The following DNAJC6 variants were observed in gnomAD, a reference collection of about 807,000 sequenced individuals.
DNAJC6 encodes the protein auxilin.
DNAJC6 carries 34 observed loss-of-function variants against 110.0 expected under a neutral mutation model. The ratio of observed to expected loss-of-function variants is 0.31; its 90% confidence interval spans 0.24 to 0.41. The LOEUF (loss-of-function observed/expected upper bound fraction) is 0.41, where lower values mean the gene tolerates loss of function less well. DNAJC6 is among the 10% of genes least tolerant of loss of function. DNAJC6 has a pLI of 1.00. For synonymous variants in DNAJC6, 406 were observed against 437.2 expected, an observed-to-expected ratio of 0.93 and a Z score of 0.89; for missense variants, 1,031 against 1,207.8, an observed-to-expected ratio of 0.85 and a Z score of 2.17.
intron 18 of DNAJC6, among the ~76,000 whole-genome samples, chr1:65,412,157 T>C (rs997919014): frequency 3.3e-5 from 5 of 152,202 alleles, no homozygotes; most frequent in Non-Finnish European, 5.9e-5. Flanking sequence ...CAGAATGGAA[T>C]TAAATTTGCC....
intron 4 of DNAJC6, among the ~76,000 whole-genome samples, chr1:65,376,692 T>A (rs1044847204): frequency 6.6e-6 from 1 of 151,588 alleles, no homozygotes; most frequent in Non-Finnish European, 1.5e-5. Context: ...TTCCTTTTGT[T>A]ATTTAGTTGT....
intron 1 of DNAJC6, among the ~76,000 whole-genome samples, chr1:65,332,208 G>T (rs969750338): frequency 2.0e-5 from 3 of 152,162 alleles, no homozygotes; most frequent in Admixed American, 2.0e-4. Flanking sequence ...GGCACTCAAT[G>T]AAGAAAGGAT....
chr1:65,269,411 A>G (rs1472205313), intron 1 of DNAJC6, among the ~76,000 whole-genome samples: 2 of 152,076 alleles, frequency 1.3e-5, no homozygotes, highest in African/African-American at 4.8e-5. Context: ...TTCCTGAGAT[A>G]ACTTTTCACT....
intron 16 of DNAJC6, among the ~76,000 whole-genome samples, chr1:65,407,211 C>T (rs546665793): frequency 2.0e-5 from 3 of 152,134 alleles, no homozygotes; most frequent in African/African-American, 7.2e-5. Context: ...GTTGTATTCT[C>T]TACCCACCCA....
chr1:65,343,900 G>A (rs1645412549), intron 1 of DNAJC6, among the ~76,000 whole-genome samples: 1 of 152,192 alleles, frequency 6.6e-6, no homozygotes, highest in Admixed American at 6.5e-5. Context: ...TGTAAGTGCT[G>A]TATTAAGATG....
At chr1:65,299,668 A>G (rs1442294291) in intron 1 of DNAJC6, among the ~76,000 whole-genome samples, 2 of 152,222 alleles carry the variant, frequency 1.3e-5, no homozygotes, top group Non-Finnish European at 2.9e-5. Flanking sequence ...TTAGTATTTT[A>G]TGGATGAGAA....
At chr1:65,309,488 C>G (rs1405580957), upstream of DNAJC6, 14 of 1,158,602 alleles carry the variant, frequency 1.2e-5, no homozygotes, top group East Asian at 7.5e-4. Flanking sequence ...GCCCAGAGGA[C>G]GCGCGCCCCC....
chr1:65,375,874 T>G (rs1374084068), intron 4 of DNAJC6, among the ~76,000 whole-genome samples: 1 of 152,220 alleles, frequency 6.6e-6, no homozygotes, highest in Non-Finnish European at 1.5e-5. Context: ...CCTTCTCTAG[T>G]TTTAGTATCA....
chr1:65,362,363 A>G (rs1645606139), intron 1 of DNAJC6, among the ~76,000 whole-genome samples: 1 of 152,218 alleles, frequency 6.6e-6, no homozygotes, highest in African/African-American at 2.4e-5. Context: ...AGTGCCTATT[A>G]CGTGAATATT....
chr1:65,334,097 G>A (rs1042611371), intron 1 of DNAJC6, among the ~76,000 whole-genome samples: 1 of 152,178 alleles, frequency 6.6e-6, no homozygotes, highest in Non-Finnish European at 1.5e-5. Flanking sequence ...TGGAGAGGAT[G>A]ATAACAAAAC....
intron 1 of DNAJC6, among the ~76,000 whole-genome samples, chr1:65,297,754 A>T (rs947234711): frequency 3.3e-5 from 5 of 152,212 alleles, no homozygotes; most frequent in Admixed American, 1.3e-4. Context: ...TAGGTTTAGG[A>T]GTCCTGTAGC....
At chr1:65,324,494 G>C (rs775398544) in intron 1 of DNAJC6, among the ~76,000 whole-genome samples, 1 of 152,026 alleles carries the variant, frequency 6.6e-6, no homozygotes, top group African/African-American at 2.4e-5. Context: ...GAGTAGCTGG[G>C]ATTATAGGCA....
At chr1:65,408,124 T>C (rs1423917437) in intron 16 of DNAJC6, among the ~76,000 whole-genome samples, 1 of 151,864 alleles carries the variant, frequency 6.6e-6, no homozygotes. Context: ...ACCCAGGGAG[T>C]TGGGGTCCAA....
chr1:65,347,872 G>A (rs996005058), intron 1 of DNAJC6, among the ~76,000 whole-genome samples: 3 of 152,144 alleles, frequency 2.0e-5, no homozygotes, highest in African/African-American at 7.2e-5. Flanking sequence ...TCTGATATAT[G>A]GTTTTGTAAG....
chr1:65,327,529 T>C (rs1025377369), intron 1 of DNAJC6, among the ~76,000 whole-genome samples: 2 of 152,188 alleles, frequency 1.3e-5, no homozygotes, highest in African/African-American at 2.4e-5. Context: ...GCATTGTCCT[T>C]ACATCCTAAA....
chr1:65,415,112 GTCTTTGCAT>G lies in DNAJC6; in HGVS notation c.*2090_*2098del, dbSNP rs1380684026. ...ACTCTTAATATATGCAGACCAACAG[GTCTTTGCAT>G]TCCTTTTAAATAACTGGTTGTGACA... is the stretch of plus-strand genomic sequence containing the variant. On this transcript the variant is annotated 3_prime_UTR_variant, in exon 19 of 19. Coordinates refer to ENST00000371069, the MANE Select transcript of DNAJC6 (RefSeq NM_001256864.2). 1 of 152,050 alleles carries G rather than the reference GTCTTTGCAT, an allele frequency of 6.6e-6. No individual in the cohort carries two copies. 9.4% of individuals were successfully genotyped at this position (152,050 alleles called of 1,614,324 possible).
intron 1 of DNAJC6, among the ~76,000 whole-genome samples, chr1:65,278,761 A>G (rs1177378292): frequency 6.6e-6 from 1 of 152,176 alleles, no homozygotes; most frequent in African/African-American, 2.4e-5. Flanking sequence ...TGGGAAGGAA[A>G]AATTACCTGG....
In DNAJC6 at chr1:65,392,794, C is replaced by A. The variant is rs375368522; in HGVS notation, c.1832C>A (p.Ala611Glu). The A allele has an allele frequency of 1.2e-6, 2 of 1,601,266 alleles. No individual in the cohort carries two copies. The highest frequency in any genetic ancestry group is 1.7e-6 in the Non-Finnish European group (2 of 1,174,202). ...VEDVFHPSGP[A>E]STQSTPRRSA... ...GATGTGTTTCATCCTAGTGGACCTG[C>A]GTCTACCCAGTCAACACCACGCCGC... Residue 611 changes from alanine to glutamate, a missense_variant, in exon 12 of 19, where the codon GCG becomes GAG. Ala to Glu is a moderately radical substitution (Grantham distance 107). Transcript: ENST00000371069.
chr1:65,314,246 C>A (rs1233714351), intron 1 of DNAJC6, among the ~76,000 whole-genome samples: 3 of 150,160 alleles, frequency 2.0e-5, no homozygotes, highest in African/African-American at 4.9e-5. Context: ...GCTAAAATAC[C>A]ATGTAGTGTG....
Sources: allele counts gnomAD v4.1 joint callset (sites outside exome capture counted in the v4.1 genomes callset), GRCh38; gene constraint gnomAD v4.1.1; transcripts MANE v1.5; gene names NCBI Gene and HGNC (gene_info 2026-07-23, HGNC 2026-07-21).